The following NDUFAF2 variants were observed in gnomAD, a reference collection of about 807,000 sequenced individuals.
NDUFAF2 encodes NADH dehydrogenase [ubiquinone] 1 alpha subcomplex assembly factor 2.
A neutral mutation model predicts 22.8 loss-of-function variants in NDUFAF2; 13 were observed. That is an observed-to-expected ratio of 0.57 (90% CI 0.37 to 0.91). The LOEUF (loss-of-function observed/expected upper bound fraction) is 0.91. Ranked by LOEUF, NDUFAF2 falls within the 40% of genes least tolerant of loss-of-function variation. The pLI, the probability that NDUFAF2 is intolerant of heterozygous loss-of-function variation, is 0.01. For missense variants in NDUFAF2, 162 were observed against 195.2 expected (o/e 0.83, Z 1.01); for synonymous variants, 53 against 64.2 (o/e 0.83, Z 0.84).
intron 2 of NDUFAF2, among the ~76,000 whole-genome samples, chr5:61,086,143 G>T (rs918723496): frequency 6.6e-6 from 1 of 151,840 alleles, no homozygotes; most frequent in African/African-American, 2.4e-5. Flanking sequence ...AGGAAGAAAA[G>T]AAAAATATGA....
At chr5:60,967,371 A>G (rs543896210) in intron 1 of NDUFAF2, among the ~76,000 whole-genome samples, 2 of 152,142 alleles carry the variant, frequency 1.3e-5, no homozygotes, top group South Asian at 4.1e-4. Flanking sequence ...TATTTCTGGT[A>G]CTATGTTGAA....
chr5:61,121,375 TTGGGGC>T (rs1752974120), intron 3 of NDUFAF2, among the ~76,000 whole-genome samples: 1 of 152,140 alleles, frequency 6.6e-6, no homozygotes, highest in South Asian at 2.1e-4. Context: ...TGTAATACAT[TTGGGGC>T]TGGGAAATCA....
chr5:61,019,578 A>AT (rs989500633), intron 1 of NDUFAF2, among the ~76,000 whole-genome samples: 6 of 151,866 alleles, frequency 4.0e-5, no homozygotes, highest in South Asian at 2.1e-4. Flanking sequence ...TAGAAAGACT[A>AT]TTTTTTTTCC....
intron 1 of NDUFAF2, among the ~76,000 whole-genome samples, chr5:61,042,269 A>C (rs1751893286): frequency 6.6e-6 from 1 of 152,144 alleles, no homozygotes; most frequent in Non-Finnish European, 1.5e-5. Flanking sequence ...CAGTTCCATA[A>C]ATTATGGTAC....
intron 1 of NDUFAF2, among the ~76,000 whole-genome samples, chr5:60,969,964 C>A (rs1416573808): frequency 6.6e-6 from 1 of 152,052 alleles, no homozygotes; most frequent in Non-Finnish European, 1.5e-5. Context: ...TTTCCAGCAC[C>A]ATTTATTGAA....
chr5:60,974,441 T>C (rs533613563), intron 1 of NDUFAF2, among the ~76,000 whole-genome samples: 2 of 152,310 alleles, frequency 1.3e-5, no homozygotes, highest in South Asian at 2.1e-4. Context: ...TGTGGGACTT[T>C]ACCCTGTGAT....
At chr5:60,972,149 G>A (rs967014608) in intron 1 of NDUFAF2, among the ~76,000 whole-genome samples, 2 of 151,520 alleles carry the variant, frequency 1.3e-5, no homozygotes, top group Middle Eastern at 3.2e-3. Flanking sequence ...CACCATGTTG[G>A]TCAGGCTGGT....
intron 1 of NDUFAF2, among the ~76,000 whole-genome samples, chr5:61,012,125 A>G (rs981125832): frequency 4.6e-5 from 7 of 152,018 alleles, no homozygotes; most frequent in African/African-American, 1.7e-4. Context: ...TAGGTTTCTC[A>G]AACTATTCCT....
intron 1 of NDUFAF2, among the ~76,000 whole-genome samples, chr5:60,960,055 C>A (rs961345689): frequency 6.6e-6 from 1 of 151,998 alleles, no homozygotes; most frequent in Admixed American, 6.5e-5. Flanking sequence ...GTTAAGGAAC[C>A]TTAATCTTGA....
chr5:61,112,888 C>CTTTTTTTTTT (rs35786013), intron 3 of NDUFAF2, among the ~76,000 whole-genome samples: 1 of 141,150 alleles, frequency 7.1e-6, no homozygotes, highest in Non-Finnish European at 1.5e-5. Flanking sequence ...TTAGTTTATT[C>CTTTTTTTTTT]TTTTTTTTTT....
chr5:61,002,065 G>T (rs1220149398), intron 1 of NDUFAF2, among the ~76,000 whole-genome samples: 1 of 152,038 alleles, frequency 6.6e-6, no homozygotes, highest in Non-Finnish European at 1.5e-5. Flanking sequence ...AAGAGATGAC[G>T]ATGAGAGCAG....
chr5:61,092,378 C>T (rs1752579690), intron 2 of NDUFAF2, among the ~76,000 whole-genome samples: 1 of 152,098 alleles, frequency 6.6e-6, no homozygotes, highest in Non-Finnish European at 1.5e-5. Flanking sequence ...TTGTTTGTGT[C>T]ATCTCTGATT....
At chr5:61,047,338 G>A (rs1007118511) in intron 1 of NDUFAF2, among the ~76,000 whole-genome samples, 4 of 151,982 alleles carry the variant, frequency 2.6e-5, no homozygotes, top group African/African-American at 9.7e-5. Flanking sequence ...GGGAAGTTAA[G>A]TAACACTAAA....
chr5:61,092,842 GAT>G (rs1395617371), intron 2 of NDUFAF2, among the ~76,000 whole-genome samples: 1 of 152,114 alleles, frequency 6.6e-6, no homozygotes, highest in Non-Finnish European at 1.5e-5. Context: ...GAACTAATAG[GAT>G]ATATGAATAT....
chr5:61,136,077 C>T (rs1740933933), intron 3 of NDUFAF2, among the ~76,000 whole-genome samples: 1 of 135,496 alleles, frequency 7.4e-6, no homozygotes, highest in Non-Finnish European at 1.6e-5. Flanking sequence ...ACCAGTATCC[C>T]TGTTTGCAAA....
chr5:60,949,993 A>G (rs1750522428), intron 1 of NDUFAF2, among the ~76,000 whole-genome samples: 1 of 152,096 alleles, frequency 6.6e-6, no homozygotes, highest in African/African-American at 2.4e-5. Context: ...GATCCTTTGG[A>G]CATTCTCTGT....
At chr5:61,073,070 G>A in intron 1 of NDUFAF2, 55 bp from the exon 2 acceptor site, 1 of 1,058,534 alleles carries the variant, frequency 9.4e-7, no homozygotes, top group Non-Finnish European at 1.5e-6. Flanking sequence ...ATTAATTGTA[G>A]AACTACTGTA....
At chr5:61,026,763 T>G (rs2112607120) in intron 1 of NDUFAF2, among the ~76,000 whole-genome samples, 1 of 152,186 alleles carries the variant, frequency 6.6e-6, no homozygotes, top group African/African-American at 2.4e-5. Context: ...TTCAAGGAAA[T>G]TATTTCATTT....
At chr5:61,043,476 A>G (rs1456678148) in intron 1 of NDUFAF2, among the ~76,000 whole-genome samples, 1 of 152,116 alleles carries the variant, frequency 6.6e-6, no homozygotes, top group Non-Finnish European at 1.5e-5. Flanking sequence ...ACTGTGATCA[A>G]TATCTTCCCA....
Sources: gnomAD v4.1 joint callset for allele counts (sites outside exome capture counted in the v4.1 genomes callset) on GRCh38, gnomAD v4.1.1 for gene constraint, MANE v1.5 for transcripts, NCBI Gene and HGNC (gene_info 2026-07-23, HGNC 2026-07-21) for gene names.